The following DCDC1 variants were observed in gnomAD, a reference collection of about 807,000 sequenced individuals.
DCDC1 encodes doublecortin domain-containing protein 1.
DCDC1 carries 200 observed loss-of-function variants against 178.3 expected under a neutral mutation model. The observed-to-expected ratio is 1.12, with a 90% CI of 1.00 to 1.26. The LOEUF is 1.26. Ranked by LOEUF, DCDC1 falls within the 50% of genes most tolerant of loss-of-function variation. DCDC1 has a pLI of 0.00. For synonymous variants in DCDC1, 690 were observed against 604.8 expected (o/e 1.14, Z -2.07); for missense variants, 1,983 against 1,749.2 (o/e 1.13, Z -2.38).
At chr11:30,904,669 T>C (rs1435127008) in intron 31 of DCDC1, 3 of 395,418 alleles carry the variant, frequency 7.6e-6, no homozygotes, top group African/African-American at 6.0e-5. Flanking sequence ...ATTCAGTCTA[T>C]CACAAGAAGG....
rs138870149 is a variant in DCDC1 at position 30,880,212 on chromosome 11, G to A, written c.5233+946C>T. On this transcript the variant is annotated intron_variant, in intron 37 of 38. Coordinates refer to ENST00000684477, the MANE Select transcript of DCDC1 (RefSeq NM_001387274.1). ...AAGAGCCAGGGTGAAGGGTAGTGAT[G>A]GGTGATGGGAACAGCAGAAAACAAA... 1.2e-4 allele frequency among the ~76,000 whole-genome samples: 19 copies of A among 152,186 alleles called. No individual in the cohort carries two copies. The East Asian group carries it at 3.7e-3, about 29-fold the overall frequency.
At chr11:31,195,286 T>G (rs1371845635) in intron 9 of DCDC1, among the ~76,000 whole-genome samples, 1 of 152,100 alleles carries the variant, frequency 6.6e-6, no homozygotes, top group East Asian at 1.9e-4. Context: ...TGTGAAACCT[T>G]TGGCAAAAAT....
intron 20 of DCDC1, among the ~76,000 whole-genome samples, chr11:30,960,663 T>G (rs1413258591): frequency 6.6e-6 from 1 of 152,078 alleles, no homozygotes; most frequent in Non-Finnish European, 1.5e-5. Context: ...TATTTAATAT[T>G]TCCATGTTTT....
chr11:31,000,730 TA>T (rs1017912307), intron 20 of DCDC1, among the ~76,000 whole-genome samples: 32 of 147,750 alleles, frequency 2.2e-4, no homozygotes, highest in South Asian at 2.1e-4. Flanking sequence ...ATACTATGTT[TA>T]AAAAAAAAAG....
At chr11:30,977,607 G>A (rs1235000136) in intron 20 of DCDC1, among the ~76,000 whole-genome samples, 2 of 151,982 alleles carry the variant, frequency 1.3e-5, no homozygotes, top group Non-Finnish European at 2.9e-5. Context: ...TCAATATGTA[G>A]GATTACTACC....
chr11:31,243,643 T>G (rs1216109665), intron 8 of DCDC1, among the ~76,000 whole-genome samples: 1 of 151,756 alleles, frequency 6.6e-6, no homozygotes, highest in Non-Finnish European at 1.5e-5. Context: ...TCCACAAGAA[T>G]TTTAGAAAAA....
chr11:31,348,930 T>C (rs1219991496), intron 1 of DCDC1, among the ~76,000 whole-genome samples: 6 of 152,218 alleles, frequency 3.9e-5, no homozygotes, highest in Non-Finnish European at 8.8e-5. Context: ...AACTAAAATA[T>C]AGTTTACTGT....
At chr11:30,988,939 A>G (rs1204772243) in intron 20 of DCDC1, among the ~76,000 whole-genome samples, 1 of 152,142 alleles carries the variant, frequency 6.6e-6, no homozygotes, top group East Asian at 1.9e-4. Flanking sequence ...TCCAGATGAA[A>G]GTGGCTGGCA....
intron 17 of DCDC1, among the ~76,000 whole-genome samples, chr11:31,081,541 C>T (rs186163274): frequency 6.6e-6 from 1 of 151,788 alleles, no homozygotes; most frequent in Non-Finnish European, 1.5e-5. Context: ...ACCCAGGAGG[C>T]GGAGGTTGCG....
chr11:31,215,790 TAA>T (rs746258622), intron 9 of DCDC1, among the ~76,000 whole-genome samples: 27 of 130,854 alleles, frequency 2.1e-4, no homozygotes, highest in Non-Finnish European at 2.3e-4. Flanking sequence ...AGACTCCATC[TAA>T]AAAAAAAAAA....
intron 17 of DCDC1, among the ~76,000 whole-genome samples, chr11:31,083,578 G>A (rs1957312528): frequency 1.3e-5 from 2 of 152,138 alleles, no homozygotes; most frequent in African/African-American, 4.8e-5. Flanking sequence ...CCTGATGGGT[G>A]TCATGACAGA....
In DCDC1 at chr11:30,925,434, C is replaced by G. The variant is rs778954753; in HGVS notation, c.2898-26G>C. On this transcript the variant is annotated intron_variant, in intron 22 of 38. Coordinates refer to ENST00000684477, the MANE Select transcript of DCDC1 (RefSeq NM_001387274.1). The stretch of plus-strand genomic sequence containing the variant: ...CTGTAATAAAAGACACAAAAATTGA[C>G]CTTGCATACAGAAAGCTTCCAGCAG... 3.1e-6 allele frequency: 5 copies of G among 1,600,318 alleles called. No homozygotes were observed. In the Admixed American group the frequency reaches 5.1e-5, roughly 16 times the overall value.
chr11:30,881,362 T>C, intron 36 of DCDC1, 54 bp from the exon 37 acceptor site: 1 of 1,578,070 alleles, frequency 6.3e-7, no homozygotes, highest in South Asian at 1.2e-5. Flanking sequence ...AATATGATCA[T>C]GTATCAAAGA....
intron 20 of DCDC1, among the ~76,000 whole-genome samples, chr11:31,036,709 C>T (rs1590833440): frequency 6.6e-6 from 1 of 152,220 alleles, no homozygotes; most frequent in East Asian, 1.9e-4. Flanking sequence ...CAAAATAGTC[C>T]TAACTACATT....
chr11:31,357,086 A>T (rs1951419645), intron 1 of DCDC1, among the ~76,000 whole-genome samples: 1 of 152,140 alleles, frequency 6.6e-6, no homozygotes, highest in Admixed American at 6.5e-5. Flanking sequence ...AACTCATTTT[A>T]TGAGGGCAGC....
At chr11:31,148,210 TAAAAAA>T (rs55829692) in intron 9 of DCDC1, among the ~76,000 whole-genome samples, 10 of 95,676 alleles carry the variant, frequency 1.0e-4, no homozygotes, top group Non-Finnish European at 1.9e-4. Flanking sequence ...TTTATTATTA[TAAAAAA>T]AAAAAAAAAA....
chr11:31,037,897 A>C (rs1396072762), intron 20 of DCDC1, among the ~76,000 whole-genome samples: 1 of 152,042 alleles, frequency 6.6e-6, no homozygotes, highest in Non-Finnish European at 1.5e-5. Flanking sequence ...TGTTTTTTAG[A>C]AAAACAGAGA....
chr11:31,023,319 G>A (rs532564650), intron 20 of DCDC1, among the ~76,000 whole-genome samples: 2 of 152,146 alleles, frequency 1.3e-5, no homozygotes, highest in African/African-American at 2.4e-5. Context: ...TTAAAACAAA[G>A]GCTTGAGGTT....
chr11:31,289,387 A>G (rs1947061257), intron 7 of DCDC1, among the ~76,000 whole-genome samples: 1 of 152,032 alleles, frequency 6.6e-6, no homozygotes, highest in Non-Finnish European at 1.5e-5. Flanking sequence ...GCTGTGTAAT[A>G]TCCCTTAATA....
Sources: allele counts gnomAD v4.1 joint callset (sites outside exome capture counted in the v4.1 genomes callset), GRCh38; gene constraint gnomAD v4.1.1; transcripts MANE v1.5; gene names NCBI Gene and HGNC (gene_info 2026-07-23, HGNC 2026-07-21).